UBE2E2: variants seen among roughly 807,000 people sequenced by gnomAD.
The protein encoded by UBE2E2 is ubiquitin conjugating enzyme E2 E2.
In UBE2E2, 6 loss-of-function variants were observed where a neutral mutation model predicts 24.7. That is an observed-to-expected ratio of 0.24 (90% CI 0.13 to 0.48). UBE2E2 has a LOEUF of 0.48. Ranked by LOEUF, UBE2E2 falls within the 20% of genes least tolerant of loss-of-function variation. UBE2E2 has a pLI of 0.99. For synonymous variants in UBE2E2, 104 were observed against 83.6 expected (o/e 1.24, Z -1.33); for missense variants, 169 against 245.0 (o/e 0.69, Z 2.07).
chr3:23,324,003 T>C (rs889309061), intron 3 of UBE2E2, among the ~76,000 whole-genome samples: 1 of 152,180 alleles, frequency 6.6e-6, no homozygotes, highest in Admixed American at 6.5e-5. Flanking sequence ...AATGAACAAA[T>C]GGTACATGCT....
intron 3 of UBE2E2, among the ~76,000 whole-genome samples, chr3:23,367,602 A>G (rs534463811): frequency 1.3e-5 from 2 of 152,246 alleles, no homozygotes; most frequent in Non-Finnish European, 2.9e-5. Context: ...GTCTTCATCT[A>G]TATCCCTTGC....
intron 3 of UBE2E2, among the ~76,000 whole-genome samples, chr3:23,498,046 G>C (rs1307950057): frequency 2.0e-5 from 3 of 152,054 alleles, no homozygotes; most frequent in Admixed American, 6.6e-5. Flanking sequence ...TGATGATATT[G>C]AGCATTTTTC....
At chr3:23,289,722 C>G (rs180826275) in intron 3 of UBE2E2, among the ~76,000 whole-genome samples, 25 of 152,198 alleles carry the variant, frequency 1.6e-4, no homozygotes, top group Non-Finnish European at 2.9e-4. Context: ...TAAATGCATG[C>G]TATTTAGTTT....
chr3:23,260,259 A>G (rs1424588670), intron 3 of UBE2E2, among the ~76,000 whole-genome samples: 2 of 152,204 alleles, frequency 1.3e-5, no homozygotes, highest in African/African-American at 2.4e-5. Context: ...TATGTTTATA[A>G]TGCTATATAT....
intron 4 of UBE2E2, among the ~76,000 whole-genome samples, chr3:23,512,092 G>T (rs971012649): frequency 1.5e-4 from 23 of 151,800 alleles, no homozygotes; most frequent in African/African-American, 5.6e-4. Context: ...CAGTCCTGCA[G>T]CCCCTACTCT....
At chr3:23,354,134 G>A (rs1282568595) in intron 3 of UBE2E2, among the ~76,000 whole-genome samples, 1 of 152,034 alleles carries the variant, frequency 6.6e-6, no homozygotes, top group Admixed American at 6.5e-5. Flanking sequence ...CAAGCAATGG[G>A]GAAAGGATTC....
intron 1 of UBE2E2, among the ~76,000 whole-genome samples, chr3:23,207,122 T>G (rs1374167317): frequency 6.6e-6 from 1 of 152,206 alleles, no homozygotes; most frequent in African/African-American, 2.4e-5. Flanking sequence ...CAAGGCCTTT[T>G]AGAGTCTGGG....
chr3:23,237,131 G>C (rs1697133786), intron 3 of UBE2E2, among the ~76,000 whole-genome samples: 1 of 152,134 alleles, frequency 6.6e-6, no homozygotes, highest in African/African-American at 2.4e-5. Flanking sequence ...ACATGGGGTT[G>C]TGTGAGGATT....
At chr3:23,420,651 A>G (rs969233506) in intron 3 of UBE2E2, among the ~76,000 whole-genome samples, 22 of 152,234 alleles carry the variant, frequency 1.4e-4, no homozygotes, top group African/African-American at 5.3e-4. Context: ...TCTTTACAGT[A>G]TTCTTCACCT....
intron 3 of UBE2E2, among the ~76,000 whole-genome samples, chr3:23,419,740 T>C (rs1178184099): frequency 1.3e-5 from 2 of 152,218 alleles, no homozygotes; most frequent in Admixed American, 1.3e-4. Flanking sequence ...TGACAGATAT[T>C]AGGCACTGAA....
chr3:23,330,337 G>T (rs927494818), intron 3 of UBE2E2, among the ~76,000 whole-genome samples: 1 of 152,102 alleles, frequency 6.6e-6, no homozygotes, highest in Non-Finnish European at 1.5e-5. Context: ...GACTTTGAAA[G>T]AGCTCTTCTC....
intron 3 of UBE2E2, among the ~76,000 whole-genome samples, chr3:23,406,818 C>G (rs1223549669): frequency 3.9e-5 from 6 of 152,180 alleles, no homozygotes; most frequent in Admixed American, 3.9e-4. Flanking sequence ...GGAGAAAGTG[C>G]TTTAAAATTC....
intron 5 of UBE2E2, among the ~76,000 whole-genome samples, chr3:23,562,543 A>G (rs995332749): frequency 2.0e-4 from 31 of 151,988 alleles, no homozygotes; most frequent in South Asian, 6.2e-4. Flanking sequence ...TTTTGGTTGT[A>G]TCTCTGCCAG....
At chr3:23,432,561 C>G (rs935321776) in intron 3 of UBE2E2, among the ~76,000 whole-genome samples, 1 of 151,996 alleles carries the variant, frequency 6.6e-6, no homozygotes, top group Non-Finnish European at 1.5e-5. Context: ...TGCTGTCAGT[C>G]TCTCCACAGC....
intron 3 of UBE2E2, among the ~76,000 whole-genome samples, chr3:23,340,282 T>C (rs576633781): frequency 6.6e-6 from 1 of 152,312 alleles, no homozygotes; most frequent in Admixed American, 6.5e-5. Context: ...AACATTTATT[T>C]ACATTAAATT....
chr3:23,496,984 T>C (rs1166566660), intron 3 of UBE2E2, among the ~76,000 whole-genome samples: 3 of 152,204 alleles, frequency 2.0e-5, no homozygotes, highest in Non-Finnish European at 4.4e-5. Flanking sequence ...TTGCATGTTA[T>C]ATGTATATAT....
intron 4 of UBE2E2, among the ~76,000 whole-genome samples, chr3:23,528,199 G>GTTGA (rs1261529476): frequency 1.3e-5 from 2 of 152,214 alleles, no homozygotes; most frequent in Non-Finnish European, 2.9e-5. Context: ...AGTCTTCTGT[G>GTTGA]TTGAGAGAGT....
At chr3:23,245,514 G>T (rs1697372490) in intron 3 of UBE2E2, among the ~76,000 whole-genome samples, 1 of 151,972 alleles carries the variant, frequency 6.6e-6, no homozygotes, top group African/African-American at 2.4e-5. Context: ...CTTTCAAATT[G>T]ACTGAATTGA....
chr3:23,546,538 A>C (rs1237813862), intron 5 of UBE2E2, among the ~76,000 whole-genome samples: 2 of 125,356 alleles, frequency 1.6e-5, no homozygotes, highest in African/African-American at 6.4e-5. Flanking sequence ...CAATGGTGCG[A>C]TCTCAGCTCA....
Sources: allele counts gnomAD v4.1 joint callset (sites outside exome capture counted in the v4.1 genomes callset), GRCh38; gene constraint gnomAD v4.1.1; transcripts MANE v1.5; gene names NCBI Gene and HGNC (gene_info 2026-07-23, HGNC 2026-07-21).